Variants in TRAPPC8 observed in about 807,000 individuals in gnomAD.
TRAPPC8 encodes general sporulation gene 1 homolog.
TRAPPC8 carries 54 observed loss-of-function variants against 174.3 expected under a neutral mutation model. The ratio of observed to expected loss-of-function variants is 0.31; its 90% CI spans 0.25 to 0.39. TRAPPC8 has a LOEUF of 0.39. TRAPPC8 is among the 10% of genes least tolerant of loss of function. TRAPPC8 has a pLI of 1.00. For missense variants in TRAPPC8, 1,531 were observed against 1,699.1 expected (o/e 0.90, Z 1.74); for synonymous variants, 630 against 579.9 (o/e 1.09, Z -1.24).
At chr18:31,870,785 T>C (rs1311032861) in intron 15 of TRAPPC8, 141 bp downstream of exon 15, 6 of 856,318 alleles carry the variant, frequency 7.0e-6, no homozygotes, top group Non-Finnish European at 1.0e-5. Context: ...TCTGGTTTTA[T>C]AAATGCAGCT....
chr18:31,929,191 G>GA (rs34749170), intron 2 of TRAPPC8, among the ~76,000 whole-genome samples: 35,801 of 129,074 alleles, frequency 0.28, 4,642 homozygotes, highest in Middle Eastern at 0.39. Flanking sequence ...CAAAAAAAGT[G>GA]AAAAAAAAAA....
intron 18 of TRAPPC8, 126 bp from the exon 19 acceptor site, chr18:31,864,907 A>AT: frequency 2.4e-6 from 2 of 839,264 alleles, no homozygotes; most frequent in Non-Finnish European, 3.6e-6. Context: ...ATTTTGATTA[A>AT]CATGATTAAT....
At chr18:31,911,112 T>TA (rs1010663889) in intron 5 of TRAPPC8, among the ~76,000 whole-genome samples, 2 of 152,222 alleles carry the variant, frequency 1.3e-5, no homozygotes, top group African/African-American at 4.8e-5. Context: ...AAACAATACT[T>TA]ATATCAGAAG....
At chr18:31,927,015 G>C (rs2037644979) in intron 2 of TRAPPC8, among the ~76,000 whole-genome samples, 2 of 152,146 alleles carry the variant, frequency 1.3e-5, no homozygotes, top group Non-Finnish European at 2.9e-5. Flanking sequence ...CCGAGGAAAA[G>C]ACTACAGAAA....
rs71175801 is a variant in TRAPPC8 at position 31,876,489 on chromosome 18, C to CAAAAAAAAAAAAAAAAAAAAAAA, written c.1729-1808_1729-1786dup. On this transcript the variant is annotated intron_variant, in intron 12 of 28. Transcript: ENST00000283351. ...TGGGCTACACTGCGAGACTCCATCT[C>CAAAAAAAAAAAAAAAAAAAAAAA]AAAAAAAAAAAAAAAAAAAAAAAGA... Among the ~76,000 whole-genome samples the CAAAAAAAAAAAAAAAAAAAAAAA allele has an allele frequency of 8.4e-4, 41 of 48,708 alleles. 8 individuals carry two copies. The highest frequency in any genetic ancestry group is 1.6e-3 in the African/African-American group (17 of 10,620). The allele number at this position is 48,708 out of a possible 152,430, so 32.0% of individuals were successfully genotyped here.
chr18:31,875,936 T>C (rs780844277), intron 12 of TRAPPC8, among the ~76,000 whole-genome samples: 6 of 152,026 alleles, frequency 3.9e-5, no homozygotes, highest in Non-Finnish European at 7.4e-5. Flanking sequence ...GAGAATGAAG[T>C]TGATTAATGG....
intron 26 of TRAPPC8, among the ~76,000 whole-genome samples, chr18:31,840,635 G>A (rs565717384): frequency 1.3e-5 from 2 of 152,142 alleles, no homozygotes; most frequent in African/African-American, 2.4e-5. Flanking sequence ...TTATTGAAAC[G>A]CAGCCACATC....
At chr18:31,934,050 T>C (rs1598761813) in intron 1 of TRAPPC8, among the ~76,000 whole-genome samples, 2 of 152,104 alleles carry the variant, frequency 1.3e-5, no homozygotes, top group South Asian at 4.2e-4. Context: ...TAGCCAGGCA[T>C]GGTGGCAAGC....
chr18:31,942,449 T>G (rs935010472), intron 1 of TRAPPC8, 159 bp downstream of exon 1: 10 of 986,294 alleles, frequency 1.0e-5, no homozygotes, highest in Non-Finnish European at 1.3e-5. Flanking sequence ...CGGTCCCTCC[T>G]CCAGCCGCCC....
Position 31,831,563 on chromosome 18 carries a change from C to T in TRAPPC8, c.4073+521G>A, listed in dbSNP as rs555371144. Among the ~76,000 whole-genome samples the T allele has an allele frequency of 2.6e-4, 40 of 152,190 alleles. 1 individual carries two copies. In the East Asian group the frequency reaches 6.9e-3, roughly 26 times the overall value. ...GTTGGAACTTGATTTCAAACCTAAA[C>T]TTTTAACTCCTTAGTTAGCCATATA... On this transcript the variant is annotated intron_variant, in intron 28 of 28. Coordinates refer to ENST00000283351, the MANE Select transcript of TRAPPC8 (RefSeq NM_014939.5).
chr18:31,890,862 G>C lies in TRAPPC8; in HGVS notation c.1601C>G (p.Ser534Cys), dbSNP rs1311833626. 6.2e-7 allele frequency: 1 copy of C among 1,602,552 alleles called. No individual in the cohort carries two copies. The highest frequency in any genetic ancestry group is 1.3e-5 in the African/African-American group (1 of 74,378). ...ALLIRLTSED[S>C]DLRSALLLEQ... ...CAAAAGAAGTGCACTTCGAAGATCAGAATCCTAGTGAATGTTTAAAAGAGA... is the reference window on the plus strand; with the variant it reads ...CAAAAGAAGTGCACTTCGAAGATCACAATCCTAGTGAATGTTTAAAAGAGA... Residue 534 changes from serine to cysteine, a missense_variant, in exon 12 of 29, where the codon TCT becomes TGT. By Grantham distance (112) the Ser-to-Cys change is moderately radical. Coordinates refer to ENST00000283351, the MANE Select transcript of TRAPPC8 (RefSeq NM_014939.5).
intron 2 of TRAPPC8, among the ~76,000 whole-genome samples, chr18:31,930,868 AAATTT>A (rs1461599961): frequency 2.0e-5 from 3 of 152,164 alleles, no homozygotes; most frequent in Non-Finnish European, 4.4e-5. Context: ...ATCTCTATAA[AAATTT>A]AATTTAAAAA....
chr18:31,907,658 A>G (rs1172062949), intron 8 of TRAPPC8, 48 bp from the exon 9 acceptor site: 1 of 1,432,196 alleles, frequency 7.0e-7, no homozygotes, highest in Non-Finnish European at 9.3e-7. Flanking sequence ...CCCCCAAACC[A>G]TTAAAATTAT....
At chr18:31,941,548 C>A (rs1568164939) in intron 1 of TRAPPC8, among the ~76,000 whole-genome samples, 1 of 152,180 alleles carries the variant, frequency 6.6e-6, no homozygotes, top group Non-Finnish European at 1.5e-5. Flanking sequence ...ACGATACAGG[C>A]TAAAGAAAAT....
rs757062693 is a variant in TRAPPC8, at chr18:31,942,815, G to A, written c.-51C>T. 10 of 1,296,692 alleles carry A rather than the reference G, an allele frequency of 7.7e-6. No homozygotes were observed. Among genetic ancestry groups the A allele is most frequent in the Non-Finnish European group, 8.8e-6 (9 of 1,017,852 alleles). 80.3% of individuals were successfully genotyped at this position (1,296,692 alleles called of 1,614,324 possible). On this transcript the variant is annotated 5_prime_UTR_variant, in exon 1 of 29. Coordinates refer to ENST00000283351, the MANE Select transcript of TRAPPC8 (RefSeq NM_014939.5). ...CCCGCCCTCCGGCCCACCCTGCGAG[G>A]TTATCCTGCGGCTGCAGCAGCTACC...
Position 31,836,624 on chromosome 18 carries a change from A to T in TRAPPC8, c.3983+2688T>A, listed in dbSNP as rs545452829. 1.5e-4 allele frequency among the ~76,000 whole-genome samples: 23 copies of T among 152,300 alleles called. No individual in the cohort carries two copies. In the South Asian group the frequency reaches 4.8e-3, roughly 32 times the overall value. ...TGAGGTTCAATAAGGATAAAACACAAACATTTTTATTTTCACTTATGGTTG... is the reference window on the plus strand; with the variant it reads ...TGAGGTTCAATAAGGATAAAACACATACATTTTTATTTTCACTTATGGTTG... On this transcript the variant is annotated intron_variant, in intron 27 of 28. Transcript: ENST00000283351.
intron 19 of TRAPPC8, among the ~76,000 whole-genome samples, chr18:31,862,443 G>A (rs759921690): frequency 2.0e-4 from 31 of 152,150 alleles, no homozygotes; most frequent in Non-Finnish European, 4.3e-4. Flanking sequence ...ACCTGGTATG[G>A]ATACTTTCAG....
chr18:31,836,168 C>T (rs546778382), intron 27 of TRAPPC8, among the ~76,000 whole-genome samples: 9 of 152,266 alleles, frequency 5.9e-5, no homozygotes, highest in Admixed American at 2.0e-4. Context: ...GATGCCGGTA[C>T]CCTGCTTCCA....
At chr18:31,937,074 C>CGTG (rs1419729732) in intron 1 of TRAPPC8, among the ~76,000 whole-genome samples, 1 of 149,984 alleles carries the variant, frequency 6.7e-6, no homozygotes, top group Non-Finnish European at 1.5e-5. Flanking sequence ...ATTAGCCAGG[C>CGTG]GTGGTGGTGG....
Sources: gnomAD v4.1 joint callset for allele counts (sites outside exome capture counted in the v4.1 genomes callset) on GRCh38, gnomAD v4.1.1 for gene constraint, MANE v1.5 for transcripts, NCBI Gene and HGNC (gene_info 2026-07-23, HGNC 2026-07-21) for gene names.